RIMS2: variants seen among roughly 807,000 people sequenced by gnomAD.
The protein encoded by RIMS2 is regulating synaptic membrane exocytosis 2.
RIMS2 carries 59 observed loss-of-function variants against 174.4 expected under a neutral mutation model. The ratio of observed to expected loss-of-function variants is 0.34; its 90% CI spans 0.27 to 0.42. The LOEUF (loss-of-function observed/expected upper bound fraction) is 0.42. Among genes scored for constraint, RIMS2 ranks in the 10% least tolerant of loss-of-function variants. RIMS2 has a pLI of 1.00. For missense variants in RIMS2, 1,620 were observed against 1,666.3 expected (o/e 0.97, Z 0.48); for synonymous variants, 606 against 572.5 (o/e 1.06, Z -0.84).
intron 2 of RIMS2, among the ~76,000 whole-genome samples, chr8:103,713,165 C>T (rs2097328449): frequency 6.6e-6 from 1 of 152,082 alleles, no homozygotes. Context: ...ATTACAGGCA[C>T]ACACCACCAT....
At chr8:104,137,740 T>A (rs1307947151) in intron 19 of RIMS2, among the ~76,000 whole-genome samples, 2 of 152,218 alleles carry the variant, frequency 1.3e-5, no homozygotes, top group African/African-American at 4.8e-5. Flanking sequence ...TTCACATATA[T>A]GTTAGAAATT....
intron 1 of RIMS2, among the ~76,000 whole-genome samples, chr8:103,600,194 T>C (rs955947710): frequency 5.3e-5 from 8 of 152,218 alleles, no homozygotes; most frequent in African/African-American, 1.9e-4. Flanking sequence ...ATCCATGTTG[T>C]TGCAGATGAC....
At chr8:103,752,119 AT>A (rs1201157069) in intron 2 of RIMS2, among the ~76,000 whole-genome samples, 6 of 152,074 alleles carry the variant, frequency 3.9e-5, no homozygotes, top group Non-Finnish European at 5.9e-5. Context: ...TCTTGAATTG[AT>A]TTTTGTATAA....
intron 19 of RIMS2, among the ~76,000 whole-genome samples, chr8:104,214,517 G>A (rs2099120960): frequency 6.6e-6 from 1 of 151,928 alleles, no homozygotes; most frequent in African/African-American, 2.4e-5. Context: ...GCATGATCTC[G>A]GTTCACTGCA....
chr8:104,013,901 C>T (rs1251503476), intron 18 of RIMS2, among the ~76,000 whole-genome samples: 1 of 152,166 alleles, frequency 6.6e-6, no homozygotes, highest in Non-Finnish European at 1.5e-5. Context: ...TCATGTTCCT[C>T]TCCTACAGAA....
intron 19 of RIMS2, among the ~76,000 whole-genome samples, chr8:104,236,079 T>TTA (rs397932846): frequency 1.3e-5 from 2 of 151,772 alleles, no homozygotes; most frequent in Non-Finnish European, 2.9e-5. Context: ...TTTTTTTTTT[T>TTA]ATCATTCTCT....
At chr8:103,638,240 GA>G (rs2096136163) in intron 1 of RIMS2, among the ~76,000 whole-genome samples, 1 of 152,010 alleles carries the variant, frequency 6.6e-6, no homozygotes, top group South Asian at 2.1e-4. Context: ...ATAATTTTTA[GA>G]CATCAAAACC....
chr8:104,058,662 G>A (rs2096918850), intron 19 of RIMS2, among the ~76,000 whole-genome samples: 1 of 151,884 alleles, frequency 6.6e-6, no homozygotes, highest in South Asian at 2.1e-4. Context: ...GTCCTGAATG[G>A]TAATGCGTAG....
At chr8:103,625,495 A>T (rs2095759970) in intron 1 of RIMS2, among the ~76,000 whole-genome samples, 1 of 152,194 alleles carries the variant, frequency 6.6e-6, no homozygotes, top group African/African-American at 2.4e-5. Flanking sequence ...ACATTACCTA[A>T]CGCAGTAACT....
intron 19 of RIMS2, among the ~76,000 whole-genome samples, chr8:104,045,704 TATG>T (rs1331844979): frequency 2.0e-5 from 3 of 151,816 alleles, no homozygotes; most frequent in Non-Finnish European, 4.4e-5. Flanking sequence ...TTATTTTTGT[TATG>T]ATATGTTAAT....
intron 19 of RIMS2, among the ~76,000 whole-genome samples, chr8:104,197,552 G>A (rs1340720076): frequency 6.6e-6 from 1 of 152,196 alleles, no homozygotes. Flanking sequence ...TGACAACTCT[G>A]AAGACAAACC....
At chr8:104,252,843 T>C (rs1045555729), downstream of RIMS2, 1 of 152,216 alleles carries the variant, frequency 6.6e-6, no homozygotes, top group Non-Finnish European at 1.5e-5. Context: ...TCTCTCACTT[T>C]ACCTCTTCTC....
chr8:104,068,461 T>G (rs1190014759), intron 19 of RIMS2, 51 bp from the exon 23 acceptor site: 13 of 818,312 alleles, frequency 1.6e-5, no homozygotes, highest in Non-Finnish European at 2.6e-5. Context: ...TAAGTCGGAC[T>G]CAGAAATAAG....
intron 4 of RIMS2, among the ~76,000 whole-genome samples, chr8:103,903,993 C>T (rs7826043): frequency 0.18 from 27,688 of 152,010 alleles, 3,038 homozygotes; most frequent in South Asian, 0.32. Context: ...TCTAGGACAT[C>T]TTATCACATA....
chr8:103,560,590 G>T (rs576131468), intron 1 of RIMS2, among the ~76,000 whole-genome samples: 1 of 152,300 alleles, frequency 6.6e-6, no homozygotes, highest in South Asian at 2.1e-4. Context: ...TCAAGGAAAG[G>T]ATGGAAAGGT....
chr8:103,627,699 A>T (rs2095820167), intron 1 of RIMS2, among the ~76,000 whole-genome samples: 1 of 152,250 alleles, frequency 6.6e-6, no homozygotes, highest in South Asian at 2.1e-4. Context: ...GTCCTTTAAG[A>T]GTTCATCAAG....
At chr8:104,151,585 G>GA (rs35948552) in intron 19 of RIMS2, among the ~76,000 whole-genome samples, 67 of 148,088 alleles carry the variant, frequency 4.5e-4, no homozygotes, top group East Asian at 1.0e-3. Context: ...CCCAACTCCA[G>GA]AAAAAAAAAA....
At chr8:103,635,542 A>G (rs1170798505) in intron 1 of RIMS2, among the ~76,000 whole-genome samples, 1 of 152,234 alleles carries the variant, frequency 6.6e-6, no homozygotes, top group East Asian at 1.9e-4. Context: ...TGGAGGTGTC[A>G]CCAGTGAAGG....
rs148260866 is a variant in RIMS2, at chr8:103,526,756, G to A, written c.176+25694G>A. On this transcript the variant is annotated intron_variant, in intron 1 of 23. Coordinates refer to ENST00000504942, the Ensembl canonical transcript of RIMS2. ...ATAAAGCACAGAAATATAACAGTAT[G>A]TAGGAGAAAGAAAAAAGTAATAGAA... is the stretch of plus-strand genomic sequence containing the variant. Among the ~76,000 whole-genome samples, 308 of 152,260 alleles carry A rather than the reference G, an allele frequency of 2.0e-3. 3 individuals carry two copies. Among genetic ancestry groups the A allele is most frequent in the African/African-American group, 7.0e-3 (292 of 41,560 alleles).
Sources: allele counts gnomAD v4.1 joint callset (sites outside exome capture counted in the v4.1 genomes callset), GRCh38; gene constraint gnomAD v4.1.1; transcripts MANE v1.5; gene names NCBI Gene and HGNC (gene_info 2026-07-23, HGNC 2026-07-21).